Variants in ZNF177 observed in about 807,000 individuals in gnomAD.
ZNF177 encodes the protein zinc finger protein 177.
A neutral mutation model predicts 19.4 loss-of-function variants in ZNF177; 17 were observed. That is an observed-to-expected ratio of 0.87 (90% CI 0.60 to 1.31). The LOEUF (loss-of-function observed/expected upper bound fraction) is 1.31. Ranked by LOEUF, ZNF177 falls within the 40% of genes most tolerant of loss-of-function variation. The pLI, the probability that ZNF177 is intolerant of heterozygous loss-of-function variation, is 0.00. For missense variants in ZNF177, 633 were observed against 561.8 expected (o/e 1.13, Z -1.28); for synonymous variants, 220 against 188.7 (o/e 1.17, Z -1.36).
exon 4 of ZNF177, chr19:9,379,608 G>A: frequency 9.3e-6 from 15 of 1,613,784 alleles, no homozygotes; most frequent in Non-Finnish European, 1.3e-5. Context: ...ATTTTACAAG[G>A]TGACTGTGCA....
upstream of ZNF177, among the ~76,000 whole-genome samples, chr19:9,375,647 T>TA (rs1296047296): frequency 1.3e-5 from 2 of 152,200 alleles, no homozygotes; most frequent in African/African-American, 4.8e-5. Context: ...TGATCCTTTA[T>TA]ATTTCTGTGG....
At chr19:9,370,122 A>G (rs1001297259) in intron 2 of ZNF177, among the ~76,000 whole-genome samples, 7 of 151,502 alleles carry the variant, frequency 4.6e-5, no homozygotes, top group African/African-American at 1.7e-4. Context: ...CCTTTATTTG[A>G]CTCTCCATTT....
chr19:9,368,234 A>G (rs1484645248), intron 2 of ZNF177, among the ~76,000 whole-genome samples: 2 of 152,202 alleles, frequency 1.3e-5, no homozygotes, highest in Admixed American at 1.3e-4. Flanking sequence ...AAAATACCTA[A>G]AGCCAAATTT....
chr19:9,371,150 A>G (rs1339201990), intron 2 of ZNF177, among the ~76,000 whole-genome samples: 1 of 152,194 alleles, frequency 6.6e-6, no homozygotes, highest in Non-Finnish European at 1.5e-5. Context: ...CTAACTGTGC[A>G]TCTCTAGTTG....
At chr19:9,382,222 C>G (rs1384037236), downstream of ZNF177, 1 of 405,010 alleles carries the variant, frequency 2.5e-6, no homozygotes, top group Non-Finnish European at 4.3e-6. Context: ...CACCCAGCTT[C>G]CCTTACAGCT....
chr19:9,376,300 A>T (rs1300126338), upstream of ZNF177: 1 of 152,092 alleles, frequency 6.6e-6, no homozygotes, highest in Non-Finnish European at 1.5e-5. Context: ...TAATTTTTTT[A>T]AATTGTTTTC....
rs1387234567 is a variant in ZNF177 at position 9,378,135 on chromosome 19, G to A, written c.-53-124G>A. ...AGGATATACTGTGTTCTTGGATAAG[G>A]AGGCAAATTGTAACTACACTCTATG... On this transcript the variant is annotated intron_variant, in intron 1 of 5. Coordinates refer to ENST00000589262, the Ensembl canonical transcript of ZNF177. The A allele has an allele frequency of 7.5e-5, 61 of 813,038 alleles. No individual in the cohort carries two copies. The Admixed American group carries it at 9.4e-4, about 13-fold the overall frequency. 50.4% of individuals were successfully genotyped at this position (813,038 alleles called of 1,614,324 possible).
intron 1 of ZNF177, among the ~76,000 whole-genome samples, chr19:9,377,355 G>A (rs1355177123): frequency 6.6e-6 from 1 of 152,058 alleles, no homozygotes; most frequent in Non-Finnish European, 1.5e-5. Flanking sequence ...ATTTTAGAAT[G>A]TATTCCTTCT....
intron 3 of ZNF177, 104 bp from the exon 6 acceptor site, chr19:9,379,423 C>T: frequency 2.1e-6 from 3 of 1,407,194 alleles, no homozygotes; most frequent in Non-Finnish European, 2.8e-6. Flanking sequence ...CTGCACTTGA[C>T]TATTTTAATA....
intron 2 of ZNF177, among the ~76,000 whole-genome samples, chr19:9,366,264 A>G (rs933898614): frequency 9.2e-5 from 14 of 151,794 alleles, no homozygotes; most frequent in Non-Finnish European, 1.9e-4. Context: ...TACAGGCGTG[A>G]GCCACCGTGC....
chr19:9,380,196 T>G (rs1013200450), intron 5 of ZNF177, 57 bp downstream of exon 7: 29 of 1,546,312 alleles, frequency 1.9e-5, no homozygotes, highest in Middle Eastern at 1.7e-4. Flanking sequence ...GGAATCTGAA[T>G]GAGTTAAAAC....
rs1329838049 is a variant in ZNF177, at chr19:9,380,866, A to G, written c.535A>G (p.Thr179Ala). The change falls in exon 6 of 6, where the codon ACT (threonine) becomes GCT (alanine). Residue 179 changes from threonine (T) to alanine (A), a missense_variant. Coordinates refer to ENST00000589262, the Ensembl canonical transcript of ZNF177. ...CATTGGAGAGAAAACTCTTGAATTTACTGATTGTAGAAAAGCTTTCAATCA... is the reference window on the plus strand; with the variant it reads ...CATTGGAGAGAAAACTCTTGAATTTGCTGATTGTAGAAAAGCTTTCAATCA... 4.6e-5 allele frequency: 71 copies of G among 1,536,026 alleles called. No homozygotes were observed. The highest frequency in any genetic ancestry group is 5.2e-5 in the Non-Finnish European group (60 of 1,146,904).
At chr19:9,365,104 G>C (rs529864902) in intron 2 of ZNF177, among the ~76,000 whole-genome samples, 156 bp downstream of exon 2, 1 of 152,172 alleles carries the variant, frequency 6.6e-6, no homozygotes, top group Non-Finnish European at 1.5e-5. Flanking sequence ...ACATCGAGAA[G>C]GTGAAAGTTT....
intron 3 of ZNF177, 142 bp from the exon 6 acceptor site, chr19:9,379,385 G>A (rs1235809506): frequency 1.2e-5 from 15 of 1,240,734 alleles, no homozygotes; most frequent in African/African-American, 6.1e-5. Context: ...GAAAGAGCTC[G>A]GCTCTGATTG....
chr19:9,379,190 C>A, intron 3 of ZNF177, 102 bp downstream of exon 5: 4 of 1,447,502 alleles, frequency 2.8e-6, no homozygotes, highest in Non-Finnish European at 3.7e-6. Context: ...CAGTGGTTAA[C>A]CCCAAAATGA....
At chr19:9,369,947 A>T (rs1447593877) in intron 2 of ZNF177, among the ~76,000 whole-genome samples, 1 of 152,108 alleles carries the variant, frequency 6.6e-6, no homozygotes, top group Non-Finnish European at 1.5e-5. Flanking sequence ...TGGTATTATT[A>T]CCATTTTATA....
At chr19:9,367,047 G>A (rs916715699) in intron 2 of ZNF177, among the ~76,000 whole-genome samples, 5 of 152,286 alleles carry the variant, frequency 3.3e-5, no homozygotes, top group Non-Finnish European at 5.9e-5. Flanking sequence ...GAGGCTGGGC[G>A]TGGTGGCTCA....
intron 5 of ZNF177, 24 bp from the exon 8 acceptor site, chr19:9,380,644 C>T (rs1032034599): frequency 1.6e-5 from 24 of 1,535,980 alleles, no homozygotes; most frequent in Non-Finnish European, 2.1e-5. Context: ...AGCCTCTAGT[C>T]ACCACTTACT....
chr19:9,376,774 T>TAAAAGA (rs2068115254), intron 1 of ZNF177, among the ~76,000 whole-genome samples: 1 of 152,192 alleles, frequency 6.6e-6, no homozygotes, highest in Admixed American at 6.5e-5. Context: ...TATTTTTATC[T>TAAAAGA]TTTAATCTTT....
Sources: gnomAD v4.1 joint callset for allele counts (sites outside exome capture counted in the v4.1 genomes callset) on GRCh38, gnomAD v4.1.1 for gene constraint, MANE v1.5 for transcripts, NCBI Gene and HGNC (gene_info 2026-07-23, HGNC 2026-07-21) for gene names.